The following NBPF3 variants were observed in gnomAD, a reference collection of about 807,000 sequenced individuals.
The protein encoded by NBPF3 is NBPF member 3.
Under a neutral mutation model 78.1 loss-of-function variants are expected in NBPF3, and 57 were observed. That is an observed-to-expected ratio of 0.73 (90% confidence interval 0.59 to 0.91). The LOEUF (loss-of-function observed/expected upper bound fraction) is 0.91, where lower values mean the gene tolerates loss of function less well. Among genes scored for constraint, NBPF3 ranks in the 40% least tolerant of loss-of-function variants. NBPF3 has a pLI of 0.00. For synonymous variants in NBPF3, 182 were observed against 271.7 expected, an observed-to-expected ratio of 0.67 and a Z score of 3.25; for missense variants, 510 against 715.3, an observed-to-expected ratio of 0.71 and a Z score of 3.27.
At chr1:21,468,382 G>T in intron 2 of NBPF3, 2 of 1,282,824 alleles carry the variant, frequency 1.6e-6, no homozygotes, top group South Asian at 1.8e-5. Flanking sequence ...CAATTGGAAT[G>T]CAGGGCTCCT....
chr1:21,454,976 C>T (rs1233433537), intron 2 of NBPF3, among the ~76,000 whole-genome samples: 1 of 152,158 alleles, frequency 6.6e-6, no homozygotes, highest in Non-Finnish European at 1.5e-5. Context: ...CTCAAGTTTC[C>T]TCAGGTTGTC....
chr1:21,471,743 A>T lies in NBPF3; in HGVS notation c.621A>T (p.Gly207=). ...GRDLREQLAE[G]CRLAQHLVQK... is the part of the protein sequence containing the mutation. Reference sequence around the variant, plus strand: ...ACCTCCGAGAACAGCTGGCTGAGGGATGTAGGCTGGCACAGCACCTCGTCC... The same window carrying T: ...ACCTCCGAGAACAGCTGGCTGAGGGTTGTAGGCTGGCACAGCACCTCGTCC... The change falls in exon 5 of 15, where the codon GGA becomes GGT. Residue 207 remains glycine, a synonymous_variant. Coordinates refer to ENST00000318249, the MANE Select transcript of NBPF3 (RefSeq NM_032264.6). The T allele has an allele frequency of 6.2e-7, 1 of 1,612,760 alleles. No individual in the cohort carries two copies. The highest frequency in any genetic ancestry group is 8.5e-7 in the Non-Finnish European group (1 of 1,179,736).
Position 21,474,947 on chromosome 1 carries a change from C to T in NBPF3, c.988C>T (p.Pro330Ser), listed in dbSNP as rs570380722. The T allele has an allele frequency of 2.6e-6, 4 of 1,558,850 alleles. No individual in the cohort carries two copies. The South Asian group carries it at 4.5e-5, about 18-fold the overall frequency. Residue 330 changes from proline to serine, a missense_variant, in exon 8 of 15, where the codon CCC becomes TCC. Physicochemically the swap from Pro to Ser is moderately conservative, Grantham distance 74. Transcript: ENST00000318249. ...AGAGGAAGAAAAAGGGCCAGTGTCT[C>T]CCAGGTAATGCCATGGAATTGTGGG... is the stretch of plus-strand genomic sequence containing the variant. ...EQEEEKGPVS[P>S]RNLQESEEEE...
chr1:21,483,071 C>T (rs1399096219), intron 14 of NBPF3, 72 bp from the exon 15 acceptor site: 4 of 1,604,842 alleles, frequency 2.5e-6, no homozygotes, highest in Admixed American at 1.7e-5. Flanking sequence ...TATGTTACCC[C>T]TGAAATCTAG....
upstream of NBPF3, chr1:21,436,857 A>C: frequency 2.1e-6 from 1 of 481,398 alleles, no homozygotes; most frequent in Non-Finnish European, 2.8e-6. This position sits in a 1 kb window ranked among gnomAD's most constrained non-coding sequence, Gnocchi z 4.3. Flanking sequence ...GCCCGGGGGG[A>C]GGGGCTCGCG....
chr1:21,443,968 T>TA (rs1238766890), intron 1 of NBPF3, among the ~76,000 whole-genome samples: 1 of 152,242 alleles, frequency 6.6e-6, no homozygotes, highest in East Asian at 1.9e-4. Context: ...TAAAATCTCT[T>TA]ACGGCTGTTA....
In NBPF3 at chr1:21,474,969, T is replaced by G. The variant is rs1461801948; in HGVS notation, c.992+18T>G. 5 of 1,597,924 alleles carry G rather than the reference T, an allele frequency of 3.1e-6. No homozygotes were observed. The highest frequency in any genetic ancestry group is 4.3e-6 in the Non-Finnish European group (5 of 1,168,780). On this transcript the variant is annotated intron_variant, in intron 8 of 14. Coordinates refer to ENST00000318249, the MANE Select transcript of NBPF3 (RefSeq NM_032264.6). ...TCTCCCAGGTAATGCCATGGAATTG[T>G]GGGCTGTTAATTCAATAGTGGCAGC...
chr1:21,437,635 C>CA (rs1640452093), upstream of NBPF3: 1 of 358,092 alleles, frequency 2.8e-6, no homozygotes, highest in Non-Finnish European at 5.1e-6. Flanking sequence ...ATATGGTCGC[C>CA]ACTAGCTACA....
At chr1:21,472,742 G>A (rs1642666894) in intron 5 of NBPF3, 101 bp from the exon 6 acceptor site, 1 of 866,846 alleles carries the variant, frequency 1.2e-6, no homozygotes, top group African/African-American at 1.7e-5. Context: ...CAGCTGAACA[G>A]TGACCATGCC....
At chr1:21,482,183 T>C (rs1643271530) in intron 13 of NBPF3, among the ~76,000 whole-genome samples, 1 of 150,404 alleles carries the variant, frequency 6.6e-6, no homozygotes, top group South Asian at 2.1e-4. Context: ...CTAGAAATCG[T>C]TTGAGGGCAT....
At chr1:21,478,864 G>A (rs1643024501) in intron 9 of NBPF3, among the ~76,000 whole-genome samples, 1 of 152,178 alleles carries the variant, frequency 6.6e-6, no homozygotes, top group Non-Finnish European at 1.5e-5. Flanking sequence ...ATAAATGGCT[G>A]ACTTTTCACC....
intron 12 of NBPF3, 150 bp from the exon 13 acceptor site, chr1:21,481,447 T>G: frequency 9.9e-7 from 1 of 1,012,938 alleles, no homozygotes; most frequent in South Asian, 1.7e-5. Context: ...CCCTGTGCCA[T>G]CCCAACTGAG....
In NBPF3 at chr1:21,445,119, G is replaced by C. The variant is rs765566621; in HGVS notation, c.33G>C (p.Gln11His). 2.5e-6 allele frequency: 4 copies of C among 1,611,890 alleles called. No individual in the cohort carries two copies. In the Admixed American group the frequency reaches 6.7e-5, roughly 27 times the overall value. Residue 11 changes from glutamine to histidine, a missense_variant, in exon 2 of 15, where the codon CAG becomes CAC. Coordinates refer to ENST00000318249, the MANE Select transcript of NBPF3 (RefSeq NM_032264.6). The part of the protein sequence containing the change: MPLTPTVQGF[Q>H]WTLRGPDVET... ...TGACTCCCACTGTCCAGGGCTTCCA[G>C]TGGACTCTCCGAGGCCCTGATGTAG...
At chr1:21,439,541 G>T (rs2147877812), upstream of NBPF3, among the ~76,000 whole-genome samples, 1 of 152,094 alleles carries the variant, frequency 6.6e-6, no homozygotes, top group Middle Eastern at 3.4e-3. Context: ...AATATCCCTG[G>T]AAGGATTCAC....
chr1:21,445,856 C>T lies in NBPF3; in HGVS notation c.133+637C>T, dbSNP rs571149070. 5.9e-5 allele frequency among the ~76,000 whole-genome samples: 9 copies of T among 152,330 alleles called. No homozygotes were observed. The East Asian group carries it at 1.2e-3, about 20-fold the overall frequency. On this transcript the variant is annotated intron_variant, in intron 2 of 14. Coordinates refer to ENST00000318249, the MANE Select transcript of NBPF3 (RefSeq NM_032264.6). ...GTTTCCCAGGACCTTGTGGTGGACA[C>T]CTTCTTTCACTGAGCATTCATGGGG...
At chr1:21,477,170 C>T (rs1233186495) in intron 8 of NBPF3, among the ~76,000 whole-genome samples, 4 of 152,126 alleles carry the variant, frequency 2.6e-5, no homozygotes, top group East Asian at 1.9e-4. Flanking sequence ...TCTAGTTAGC[C>T]ATTCGTCCAA....
intron 1 of NBPF3, among the ~76,000 whole-genome samples, chr1:21,443,613 T>TA (rs1640792381): frequency 6.6e-6 from 1 of 152,082 alleles, no homozygotes; most frequent in African/African-American, 2.4e-5. Flanking sequence ...CTACATAGAA[T>TA]AATTTTTTTT....
intron 2 of NBPF3, among the ~76,000 whole-genome samples, chr1:21,448,575 CAG>C (rs1231019808): frequency 1.3e-5 from 2 of 152,150 alleles, no homozygotes; most frequent in Admixed American, 6.5e-5. Context: ...TGCCAGACGT[CAG>C]GGGGGTTTTC....
At chr1:21,456,033 G>A (rs1641581639) in intron 2 of NBPF3, among the ~76,000 whole-genome samples, 1 of 152,134 alleles carries the variant, frequency 6.6e-6, no homozygotes, top group Admixed American at 6.5e-5. Context: ...CACCAACCTG[G>A]TAAAGCCTAA....
Sources: gnomAD v4.1 joint callset for allele counts (sites outside exome capture counted in the v4.1 genomes callset) on GRCh38, gnomAD v4.1.1 for gene constraint, Gnocchi (gnomAD v3.1) non-coding constraint, MANE v1.5 for transcripts, NCBI Gene and HGNC (gene_info 2026-07-23, HGNC 2026-07-21) for gene names.